CAMK4: variants seen among roughly 807,000 people sequenced by gnomAD.
CAMK4 encodes calcium/calmodulin-dependent protein kinase type IV.
In CAMK4, 22 loss-of-function variants were observed where a neutral mutation model predicts 44.9. The ratio of observed to expected loss-of-function variants is 0.49; its 90% CI spans 0.35 to 0.70. The LOEUF (loss-of-function observed/expected upper bound fraction) is 0.70. CAMK4 is among the 30% of genes least tolerant of loss of function. The pLI is 0.01. For synonymous variants in CAMK4, 218 were observed against 215.4 expected, an observed-to-expected ratio of 1.01 and a Z score of -0.11; for missense variants, 498 against 586.8, an observed-to-expected ratio of 0.85 and a Z score of 1.56.
chr5:111,373,526 T>C (rs767852093), intron 2 of CAMK4, among the ~76,000 whole-genome samples: 4 of 152,192 alleles, frequency 2.6e-5, no homozygotes, highest in African/African-American at 4.8e-5. Context: ...TTTTGGTTAC[T>C]GTTTTCATTA....
chr5:111,316,530 T>C (rs1360139783), intron 1 of CAMK4, among the ~76,000 whole-genome samples: 1 of 152,198 alleles, frequency 6.6e-6, no homozygotes, highest in African/African-American at 2.4e-5. Flanking sequence ...TTCCTCTAGC[T>C]CTGAGGACTG....
intron 1 of CAMK4, among the ~76,000 whole-genome samples, chr5:111,343,099 T>C (rs1749712381): frequency 6.6e-6 from 1 of 151,764 alleles, no homozygotes; most frequent in Non-Finnish European, 1.5e-5. Context: ...CTTACCAAGG[T>C]TTTAAAAATA....
intron 5 of CAMK4, among the ~76,000 whole-genome samples, chr5:111,426,153 C>G (rs1363476015): frequency 2.0e-5 from 3 of 151,910 alleles, no homozygotes; most frequent in African/African-American, 7.3e-5. Context: ...TTGATCATAT[C>G]AAATGATGCA....
At chr5:111,461,383 A>G (rs1050739807) in intron 7 of CAMK4, among the ~76,000 whole-genome samples, 9 of 152,216 alleles carry the variant, frequency 5.9e-5, no homozygotes, top group African/African-American at 1.9e-4. Context: ...ACTGCACTTA[A>G]TCTCCTGAAC....
chr5:111,263,933 A>G (rs1750111105), intron 1 of CAMK4, among the ~76,000 whole-genome samples: 1 of 151,476 alleles, frequency 6.6e-6, no homozygotes, highest in Admixed American at 6.6e-5. Context: ...ATTCTCATAG[A>G]AAAAAAAAGC....
chr5:111,303,241 T>A (rs1747810400), intron 1 of CAMK4, among the ~76,000 whole-genome samples: 1 of 131,120 alleles, frequency 7.6e-6, no homozygotes, highest in African/African-American at 3.2e-5. Context: ...CAAAGCTGGA[T>A]GGAGAATGAT....
chr5:111,250,940 G>A (rs1323226341), intron 1 of CAMK4, among the ~76,000 whole-genome samples: 3 of 152,160 alleles, frequency 2.0e-5, no homozygotes, highest in Non-Finnish European at 2.9e-5. Flanking sequence ...ACAGGGACGA[G>A]CCACTGCACC....
At chr5:111,326,001 A>T (rs548152505) in intron 1 of CAMK4, among the ~76,000 whole-genome samples, 1 of 152,230 alleles carries the variant, frequency 6.6e-6, no homozygotes, top group Admixed American at 6.6e-5. Context: ...AATGTTTTTT[A>T]AAAAGGTTTA....
intron 1 of CAMK4, among the ~76,000 whole-genome samples, chr5:111,333,563 G>T (rs1749267284): frequency 6.6e-6 from 1 of 151,542 alleles, no homozygotes; most frequent in South Asian, 2.1e-4. Context: ...TTCAGCATTT[G>T]GGTTCCAGAG....
chr5:111,353,358 C>CT lies in CAMK4; in HGVS notation c.240+9266dup, dbSNP rs139038752. Among the ~76,000 whole-genome samples, 12 of 148,936 alleles carry CT rather than the reference C, an allele frequency of 8.1e-5. No individual in the cohort carries two copies. In the South Asian group the frequency reaches 1.1e-3, roughly 13 times the overall value. On this transcript the variant is annotated intron_variant, in intron 2 of 10. Coordinates refer to ENST00000282356, the MANE Select transcript of CAMK4 (RefSeq NM_001744.6). ...CTGGAAATGGATTTGTCTGATTTCA[C>CT]TTTTTTTTTTCTGTCTCACCAAGTG...
chr5:111,480,512 A>G (rs150962453), intron 9 of CAMK4, among the ~76,000 whole-genome samples: 108 of 152,274 alleles, frequency 7.1e-4, no homozygotes, highest in African/African-American at 2.6e-3. Flanking sequence ...GTGTGTACCC[A>G]GACCTTAGAA....
chr5:111,377,720 A>G (rs1472979720), intron 4 of CAMK4, among the ~76,000 whole-genome samples: 3 of 152,122 alleles, frequency 2.0e-5, no homozygotes, highest in Non-Finnish European at 4.4e-5. Context: ...TTTAAAGAAG[A>G]CAAAGAGACT....
In CAMK4 at chr5:111,224,806, TC is replaced by T. The variant is rs1181701141; in HGVS notation, c.161+163del. 6.6e-6 allele frequency among the ~76,000 whole-genome samples: 1 copy of T among 152,038 alleles called. No homozygotes were observed. Among genetic ancestry groups the T allele is most frequent in the Non-Finnish European group, 1.5e-5 (1 of 67,992 alleles). On this transcript the variant is annotated intron_variant, in intron 1 of 10. Coordinates refer to ENST00000282356, the MANE Select transcript of CAMK4 (RefSeq NM_001744.6). This position sits in a 1 kb window ranked among gnomAD's most constrained non-coding sequence, Gnocchi z 5.7. Reference sequence around the variant, plus strand: ...GAGCTAACCTTCATTCAGGTGCGGCTCGAGTCCTTCCCACCCCACCAGAGCG... The same window carrying T: ...GAGCTAACCTTCATTCAGGTGCGGCTGAGTCCTTCCCACCCCACCAGAGCG...
intron 4 of CAMK4, among the ~76,000 whole-genome samples, chr5:111,389,541 A>T (rs1048575153): frequency 1.3e-5 from 2 of 152,178 alleles, no homozygotes; most frequent in African/African-American, 4.8e-5. Flanking sequence ...CACCTAAGGG[A>T]GACAGCTCAT....
At chr5:111,345,055 G>A (rs1353601536) in intron 2 of CAMK4, among the ~76,000 whole-genome samples, 2 of 148,458 alleles carry the variant, frequency 1.3e-5, no homozygotes, top group Non-Finnish European at 3.0e-5. Context: ...TACATTTTTA[G>A]GCCAAGGAAT....
chr5:111,327,007 T>TA (rs762958769), intron 1 of CAMK4, among the ~76,000 whole-genome samples: 284 of 151,618 alleles, frequency 1.9e-3, no homozygotes, highest in Admixed American at 3.9e-3. Context: ...GTTTTTTTTT[T>TA]AAATTTTATT....
intron 2 of CAMK4, among the ~76,000 whole-genome samples, chr5:111,349,268 T>C (rs996641307): frequency 4.6e-5 from 7 of 152,050 alleles, no homozygotes; most frequent in Non-Finnish European, 1.0e-4. Flanking sequence ...CTTGTGATTA[T>C]CGGTGGAAAT....
At chr5:111,391,470 G>A (rs1206693805) in intron 4 of CAMK4, among the ~76,000 whole-genome samples, 1 of 151,894 alleles carries the variant, frequency 6.6e-6, no homozygotes, top group Non-Finnish European at 1.5e-5. Context: ...CAGACAATAA[G>A]GAGCAGAATA....
intron 5 of CAMK4, among the ~76,000 whole-genome samples, chr5:111,396,602 A>C (rs1426746021): frequency 2.1e-5 from 3 of 144,868 alleles, no homozygotes; most frequent in Non-Finnish European, 4.5e-5. Context: ...AAGAAAGAAG[A>C]AGCACTTTAA....
Sources: gnomAD v4.1 joint callset for allele counts (sites outside exome capture counted in the v4.1 genomes callset) on GRCh38, gnomAD v4.1.1 for gene constraint, Gnocchi (gnomAD v3.1) non-coding constraint, MANE v1.5 for transcripts, NCBI Gene and HGNC (gene_info 2026-07-23, HGNC 2026-07-21) for gene names.